Variants in PRKACB observed in about 807,000 individuals in gnomAD.
PRKACB encodes cAMP-dependent protein kinase catalytic subunit beta.
In PRKACB, 16 loss-of-function variants were observed where a neutral mutation model predicts 51.4. The observed-to-expected ratio is 0.31, with a 90% CI of 0.21 to 0.47. The LOEUF is 0.47. Ranked by LOEUF, PRKACB falls within the 20% of genes least tolerant of loss-of-function variation. The pLI is 1.00. For missense variants in PRKACB, 309 were observed against 464.5 expected (o/e 0.67, Z 3.08); for synonymous variants, 147 against 154.4 (o/e 0.95, Z 0.35).
At chr1:84,158,927 C>A (rs1655848668) in intron 1 of PRKACB, among the ~76,000 whole-genome samples, 1 of 152,070 alleles carries the variant, frequency 6.6e-6, no homozygotes, top group Non-Finnish European at 1.5e-5. Flanking sequence ...GCATCTTTCT[C>A]AAAAATCAGT....
intron 5 of PRKACB, among the ~76,000 whole-genome samples, chr1:84,186,418 C>T (rs1665127487): frequency 6.6e-6 from 1 of 151,900 alleles, no homozygotes; most frequent in African/African-American, 2.4e-5. Context: ...AGGTTTTCAC[C>T]GTGTTGGCCA....
intron 1 of PRKACB, among the ~76,000 whole-genome samples, chr1:84,148,673 T>C (rs1445895315): frequency 1.3e-5 from 2 of 152,194 alleles, no homozygotes; most frequent in Non-Finnish European, 2.9e-5. Context: ...CTGACCTGGC[T>C]CTAGTAAATA....
At chr1:84,096,633 A>T (rs147643036) in intron 1 of PRKACB, among the ~76,000 whole-genome samples, 4 of 152,244 alleles carry the variant, frequency 2.6e-5, no homozygotes, top group African/African-American at 9.6e-5. Flanking sequence ...CTTTGCTAAT[A>T]CTTTCAAACA....
intron 1 of PRKACB, among the ~76,000 whole-genome samples, chr1:84,126,373 G>A (rs1651612756): frequency 6.6e-6 from 1 of 152,164 alleles, no homozygotes; most frequent in African/African-American, 2.4e-5. Flanking sequence ...GGAGTGGGAA[G>A]GTGGTCTTCT....
intron 1 of PRKACB, among the ~76,000 whole-genome samples, chr1:84,154,801 A>C (rs990784887): frequency 3.3e-5 from 5 of 152,184 alleles, no homozygotes; most frequent in Non-Finnish European, 7.4e-5. Context: ...TAATCATCTC[A>C]GTAGATGCAG....
At chr1:84,196,553 A>T in intron 5 of PRKACB, 63 bp from the exon 6 acceptor site, 1 of 1,507,422 alleles carries the variant, frequency 6.6e-7, no homozygotes, top group Non-Finnish European at 8.9e-7. Flanking sequence ...TTTATGCATA[A>T]TCTACTAATT....
At chr1:84,198,916 T>G (rs1669008010) in intron 7 of PRKACB, among the ~76,000 whole-genome samples, 1 of 148,640 alleles carries the variant, frequency 6.7e-6, no homozygotes, top group South Asian at 2.1e-4. Context: ...ATATGTGTGG[T>G]GTGTGTGTAT....
intron 1 of PRKACB, among the ~76,000 whole-genome samples, chr1:84,099,455 T>C (rs1476308938): frequency 6.6e-6 from 1 of 152,116 alleles, no homozygotes; most frequent in Admixed American, 6.6e-5. Context: ...TTTGAATGGT[T>C]AAATGAGAAT....
At chr1:84,078,175 C>T in exon 1 of PRKACB, 2 of 806,058 alleles carry the variant, frequency 2.5e-6, no homozygotes, top group Non-Finnish European at 3.7e-6. Context: ...AGACCCGGCC[C>T]GGTCTTCGCG....
intron 1 of PRKACB, among the ~76,000 whole-genome samples, chr1:84,117,667 T>C (rs1305557388): frequency 6.6e-6 from 1 of 152,202 alleles, no homozygotes; most frequent in African/African-American, 2.4e-5. Flanking sequence ...TCATTTCTGA[T>C]TTTATTTGCA....
chr1:84,167,148 T>A (rs1348041058), intron 1 of PRKACB, among the ~76,000 whole-genome samples: 1 of 151,616 alleles, frequency 6.6e-6, no homozygotes, highest in Non-Finnish European at 1.5e-5. Flanking sequence ...CTCTTCTCAA[T>A]CCTATTATAA....
At chr1:84,204,534 G>A in intron 8 of PRKACB, 1 of 1,599,340 alleles carries the variant, frequency 6.3e-7, no homozygotes, top group Non-Finnish European at 8.5e-7. Flanking sequence ...AGACAAGGCA[G>A]TGATTTATTT....
intron 1 of PRKACB, among the ~76,000 whole-genome samples, chr1:84,124,116 T>G (rs901039983): frequency 1.3e-5 from 2 of 152,206 alleles, no homozygotes; most frequent in African/African-American, 2.4e-5. Context: ...AAAACATTTA[T>G]TGAGTGTATA....
intron 1 of PRKACB, among the ~76,000 whole-genome samples, chr1:84,111,347 A>G (rs1205322024): frequency 6.6e-6 from 1 of 152,142 alleles, no homozygotes; most frequent in Non-Finnish European, 1.5e-5. Context: ...CTGTACTGCT[A>G]GCTAATGTTT....
At chr1:84,136,516 A>ACT (rs1553163981) in intron 1 of PRKACB, among the ~76,000 whole-genome samples, 1 of 151,962 alleles carries the variant, frequency 6.6e-6, no homozygotes, top group Non-Finnish European at 1.5e-5. Context: ...ACACACACAC[A>ACT]CACTCACTCT....
chr1:84,159,192 A>G (rs763856724), intron 1 of PRKACB, among the ~76,000 whole-genome samples: 8 of 152,268 alleles, frequency 5.3e-5, no homozygotes, highest in African/African-American at 7.2e-5. Context: ...TTAGATTTTC[A>G]TAGAGATTAT....
At chr1:84,189,506 A>T (rs1476277291) in intron 5 of PRKACB, among the ~76,000 whole-genome samples, 1 of 151,600 alleles carries the variant, frequency 6.6e-6, no homozygotes, top group Non-Finnish European at 1.5e-5. Context: ...TGAAGGAGGG[A>T]GTTATCAACC....
intron 1 of PRKACB, among the ~76,000 whole-genome samples, chr1:84,125,219 G>A (rs1287933762): frequency 6.6e-6 from 1 of 152,162 alleles, no homozygotes; most frequent in African/African-American, 2.4e-5. Context: ...TTTCTTGGTT[G>A]ACTGTCATCT....
intron 1 of PRKACB, among the ~76,000 whole-genome samples, chr1:84,161,179 CA>C (rs141363960): frequency 1.3e-4 from 20 of 151,948 alleles, no homozygotes; most frequent in African/African-American, 2.4e-4. Context: ...CTAATTGTCA[CA>C]TTTTTCAGAT....
Sources: gnomAD v4.1 joint callset for allele counts (sites outside exome capture counted in the v4.1 genomes callset) on GRCh38, gnomAD v4.1.1 for gene constraint, MANE v1.5 for transcripts, NCBI Gene and HGNC (gene_info 2026-07-23, HGNC 2026-07-21) for gene names.